TF: variants seen among roughly 807,000 people sequenced by gnomAD.
TF encodes the protein transferrin, also known as serotransferrin.
In TF, 55 loss-of-function variants were observed where a neutral mutation model predicts 82.4. The observed-to-expected ratio is 0.67, with a 90% CI of 0.54 to 0.84. The LOEUF (loss-of-function observed/expected upper bound fraction) is 0.84, where lower values mean the gene tolerates loss of function less well. Among genes scored for constraint, TF ranks in the 40% least tolerant of loss-of-function variants. The pLI, the probability that TF is intolerant of heterozygous loss-of-function variation, is 0.00. For missense variants in TF, 737 were observed against 868.4 expected (o/e 0.85, Z 1.90); for synonymous variants, 332 against 332.6 (o/e 1.00, Z 0.02).
the TF span, among the ~76,000 whole-genome samples, chr3:133,692,199 A>G: frequency 6.6e-6 from 1 of 152,224 alleles, no homozygotes; most frequent in Non-Finnish European, 1.5e-5. Flanking sequence ...CTGCCTGGGC[A>G]ACAGAACATG....
chr3:133,775,399 G>T lies in TF; in HGVS notation c.1688-34G>T, dbSNP rs745433972. On this transcript the variant is annotated intron_variant, in intron 14 of 16. Transcript: ENST00000402696. ...TCCCCAGCGGGGCACCTTGACCAAA[G>T]CCATCAGCTGAACCACCTTCTTCCT... 2.5e-6 allele frequency: 4 copies of T among 1,613,232 alleles called. No individual in the cohort carries two copies. The South Asian group carries it at 4.4e-5, about 18-fold the overall frequency.
chr3:133,756,579 C>T lies in TF; in HGVS notation c.691+242C>T, dbSNP rs140973059. Among the ~76,000 whole-genome samples the T allele has an allele frequency of 5.3e-5, 8 of 152,204 alleles. No individual in the cohort carries two copies. In the East Asian group the frequency reaches 1.5e-3, roughly 29 times the overall value. ...GCCTCTGGGGTAGTGTTGCCATAAC[C>T]AAAGACTGGGGGTTGGTGCTGCTAA... On this transcript the variant is annotated intron_variant, in intron 6 of 16. Transcript: ENST00000402696.
At chr3:133,701,777 C>G in the TF span, among the ~76,000 whole-genome samples, 1 of 152,178 alleles carries the variant, frequency 6.6e-6, no homozygotes, top group Non-Finnish European at 1.5e-5. Flanking sequence ...AGTGAGTTCC[C>G]CATTTCTCCT....
At chr3:133,711,173 A>G in the TF span, among the ~76,000 whole-genome samples, 1 of 152,122 alleles carries the variant, frequency 6.6e-6, no homozygotes, top group East Asian at 1.9e-4. Context: ...CCCAATCTCA[A>G]CGGAATCCCC....
chr3:133,744,794 TG>T (rs1186641731), upstream of TF, among the ~76,000 whole-genome samples: 1 of 152,192 alleles, frequency 6.6e-6, no homozygotes, highest in Admixed American at 6.5e-5. Context: ...TTTTGGAGTG[TG>T]GGAGAACATA....
At position 133,753,693 on chromosome 3, in the gene TF, G is replaced by A. The variant is rs369215026; in HGVS notation, c.315G>A (p.Gly105=). The A allele has an allele frequency of 6.2e-7, 1 of 1,613,770 alleles. No individual in the cohort carries two copies. Among genetic ancestry groups the A allele is most frequent in the African/African-American group, 1.3e-5 (1 of 74,934 alleles). Residue 105 remains glycine, a synonymous_variant, in exon 3 of 17, where the codon GGG becomes GGA. Transcript: ENST00000402696. ...AGCCTGTGGTGGCAGAGTTCTATGG[G>A]TCAAAAGAGGGTAAGTTCTCCCTGG... ...NLKPVVAEFY[G]SKEDPQTFYY... is the part of the protein sequence containing the mutation.
the TF span, among the ~76,000 whole-genome samples, chr3:133,712,175 A>C: frequency 6.6e-6 from 1 of 152,136 alleles, no homozygotes; most frequent in Non-Finnish European, 1.5e-5. Flanking sequence ...ACAGGCTGCA[A>C]GTTTTCAAGA....
chr3:133,789,571 C>T lies in TF; in HGVS notation c.*10951C>T, dbSNP rs1242576844. The stretch of plus-strand genomic sequence containing the variant: ...ATCTTCATTTGTGTGTGTGTATACA[C>T]ATGTCTAGATGTGTTTATTTGCACA... On this transcript the variant is annotated 3_prime_UTR_variant, in exon 17 of 17. Transcript: ENST00000402696. 1 of 152,186 alleles carries T rather than the reference C, an allele frequency of 6.6e-6. No homozygotes were observed. The highest frequency in any genetic ancestry group is 1.5e-5 in the Non-Finnish European group (1 of 68,016). 9.4% of individuals were successfully genotyped at this position (152,186 alleles called of 1,614,324 possible).
chr3:133,743,399 G>A (rs1933429493), upstream of TF, among the ~76,000 whole-genome samples: 1 of 152,028 alleles, frequency 6.6e-6, no homozygotes, highest in Non-Finnish European at 1.5e-5. Flanking sequence ...TGCTTTTGGA[G>A]AAATGGCAAG....
chr3:133,685,356 A>G, the TF span, among the ~76,000 whole-genome samples: 1 of 152,224 alleles, frequency 6.6e-6, no homozygotes, highest in Non-Finnish European at 1.5e-5. Flanking sequence ...GGACAGGGCA[A>G]TCAGGCAGGA....
the TF span, among the ~76,000 whole-genome samples, chr3:133,703,357 C>T: frequency 6.6e-6 from 1 of 152,164 alleles, no homozygotes; most frequent in South Asian, 2.1e-4. Flanking sequence ...GGGAAACGTG[C>T]TTTAGGGTAG....
chr3:133,725,827 T>C, the TF span, among the ~76,000 whole-genome samples: 1 of 152,204 alleles, frequency 6.6e-6, no homozygotes, highest in African/African-American at 2.4e-5. Context: ...TTGAGATACG[T>C]CCCATCAATA....
chr3:133,744,255 G>A (rs1933448164), upstream of TF, among the ~76,000 whole-genome samples: 1 of 152,190 alleles, frequency 6.6e-6, no homozygotes, highest in African/African-American at 2.4e-5. Context: ...CTTAGTCTAC[G>A]AATGTAGATG....
chr3:133,756,658 C>A (rs1010590967), intron 6 of TF, among the ~76,000 whole-genome samples, 173 bp from the exon 7 acceptor site: 1 of 152,150 alleles, frequency 6.6e-6, no homozygotes, highest in Non-Finnish European at 1.5e-5. Context: ...GCATCAGAAG[C>A]CTTTACCTGG....
upstream of TF, among the ~76,000 whole-genome samples, chr3:133,744,295 C>A (rs1269053277): frequency 2.6e-5 from 4 of 152,218 alleles, no homozygotes; most frequent in Admixed American, 6.5e-5. Context: ...CACTGACCAT[C>A]TTCTTTCCAT....
intron 2 of TF, among the ~76,000 whole-genome samples, chr3:133,749,071 G>A (rs1933591199): frequency 6.6e-6 from 1 of 152,180 alleles, no homozygotes; most frequent in African/African-American, 2.4e-5. Context: ...TGAGGCAGGA[G>A]AATCACTTGA....
rs900567336 is a variant in TF at position 133,781,755 on chromosome 3, A to AT, written c.*3141dup. Reference sequence around the variant, plus strand: ...CTCCTGAACCTTGGCCTTAGCAATGATTTTTTGGCTATCACATCAAAAGCC... The same window carrying AT: ...CTCCTGAACCTTGGCCTTAGCAATGATTTTTTTGGCTATCACATCAAAAGCC... On this transcript the variant is annotated 3_prime_UTR_variant, in exon 17 of 17. Coordinates refer to ENST00000402696, the MANE Select transcript of TF (RefSeq NM_001063.4). 3 of 152,334 alleles carry AT rather than the reference A, an allele frequency of 2.0e-5. No homozygotes were observed. The highest frequency in any genetic ancestry group is 6.5e-5 in the Admixed American group (1 of 15,300). The allele number at this position is 152,334 out of a possible 1,614,324, so 9.4% of individuals were successfully genotyped here.
chr3:133,789,872 C>T lies in TF; in HGVS notation c.*11252C>T, dbSNP rs1334381126. Reference sequence around the variant, plus strand: ...AAACCCAGCCAAAACAAAACGATCTCGTTTGCGTTTTTTTTTTTTTTTTTT... The same window carrying T: ...AAACCCAGCCAAAACAAAACGATCTTGTTTGCGTTTTTTTTTTTTTTTTTT... On this transcript the variant is annotated 3_prime_UTR_variant, in exon 17 of 17. Transcript: ENST00000402696. 7 of 97,544 alleles carry T rather than the reference C, an allele frequency of 7.2e-5. No homozygotes were observed. The highest frequency in any genetic ancestry group is 2.1e-4 in the African/African-American group (5 of 23,526). 6.0% of individuals were successfully genotyped at this position (97,544 alleles called of 1,614,324 possible).
At position 133,759,155 on chromosome 3, in the gene TF, GT is replaced by G. The variant is rs1933915856; in HGVS notation, c.1049-18del. 6.2e-7 allele frequency: 1 copy of G among 1,611,802 alleles called. No individual in the cohort carries two copies. Among genetic ancestry groups the G allele is most frequent in the Non-Finnish European group, 8.5e-7 (1 of 1,178,862 alleles). Reference sequence around the variant, plus strand: ...ACAGCTAGGGCCGCTTCTGATCTTTGTTCTTTTTTTATGCCATAGGCCCAGA... The same window carrying G: ...ACAGCTAGGGCCGCTTCTGATCTTTGTCTTTTTTTATGCCATAGGCCCAGA... On this transcript the variant is annotated intron_variant, in intron 8 of 16. Transcript: ENST00000402696.
Sources: gnomAD v4.1 joint callset for allele counts (sites outside exome capture counted in the v4.1 genomes callset) on GRCh38, gnomAD v4.1.1 for gene constraint, MANE v1.5 for transcripts, NCBI Gene and HGNC (gene_info 2026-07-23, HGNC 2026-07-21) for gene names.